CAMTA1: variants seen among roughly 807,000 people sequenced by gnomAD.
CAMTA1 encodes calmodulin-binding transcription activator 1.
CAMTA1 carries 27 observed loss-of-function variants against 170.9 expected under a neutral mutation model. That is an observed-to-expected ratio of 0.16 (90% CI 0.12 to 0.22). The LOEUF is 0.22. Ranked by LOEUF, CAMTA1 falls within the 10% of genes least tolerant of loss-of-function variation. CAMTA1 has a pLI of 1.00. For missense variants in CAMTA1, 1,619 were observed against 2,217.2 expected, an observed-to-expected ratio of 0.73 and a Z score of 5.42; for synonymous variants, 833 against 891.5, an observed-to-expected ratio of 0.93 and a Z score of 1.17.
At chr1:7,457,045 C>T (rs1258478167) in intron 5 of CAMTA1, among the ~76,000 whole-genome samples, 20 of 88,222 alleles carry the variant, frequency 2.3e-4, no homozygotes, top group South Asian at 7.1e-4. Context: ...TCACCCGCCC[C>T]GCCCCCTGCG....
intron 5 of CAMTA1, among the ~76,000 whole-genome samples, chr1:7,379,578 G>A (rs556731129): frequency 1.6e-4 from 25 of 152,288 alleles, no homozygotes; most frequent in African/African-American, 3.6e-4. Context: ...CCAGGAAACC[G>A]TAAAACAAAG....
At chr1:7,506,581 A>G (rs2094115280) in intron 6 of CAMTA1, among the ~76,000 whole-genome samples, 1 of 152,084 alleles carries the variant, frequency 6.6e-6, no homozygotes, top group African/African-American at 2.4e-5. Flanking sequence ...ATTCACACGC[A>G]CACTCACACG....
rs771571157 is a variant in CAMTA1 at position 7,736,942 on chromosome 1, C to T, written c.3275C>T (p.Ala1092Val). 3.4e-5 allele frequency: 55 copies of T among 1,612,526 alleles called. No homozygotes were observed. Among genetic ancestry groups the T allele is most frequent in the South Asian group, 1.2e-4 (11 of 90,758 alleles). Residue 1092 changes from alanine to valine, a missense_variant, in exon 14 of 23, where the codon GCG becomes GTG. By Grantham distance (64) the Ala-to-Val change is moderately conservative. This residue lies in a region of CAMTA1 where 60 missense variants were observed against 128.5 expected (regional missense o/e 0.47). Transcript: ENST00000303635. The surrounding 1 kb of genome is among the most constrained non-coding windows in gnomAD (Gnocchi z 4.5). ...QTLIKWRTKH[A>V]DSIDLELEVD... ...GCTCTCCCTTATAGTACAAAGCACGCGGATAGCATTGACCTGGAACTGGAA... is the reference window on the plus strand; with the variant it reads ...GCTCTCCCTTATAGTACAAAGCACGTGGATAGCATTGACCTGGAACTGGAA...
rs2149090337 is a variant in CAMTA1 at position 7,214,690 on chromosome 1, C to A, written c.303-34801C>A. ...CCAAAGATTTTAATTTTCATGAAGT[C>A]TACTTTACCCATTTTTCCTTTTATA... is the stretch of plus-strand genomic sequence containing the variant. On this transcript the variant is annotated intron_variant, in intron 4 of 22. Transcript: ENST00000303635. 2.0e-5 allele frequency among the ~76,000 whole-genome samples: 3 copies of A among 152,236 alleles called. No homozygotes were observed. In the South Asian group the frequency reaches 6.2e-4, roughly 32 times the overall value.
At chr1:6,835,798 A>C (rs967410879) in intron 3 of CAMTA1, among the ~76,000 whole-genome samples, 26 of 152,200 alleles carry the variant, frequency 1.7e-4, no homozygotes, top group South Asian at 4.1e-4. Flanking sequence ...GTAGGCACCT[A>C]AAAGTTGTAG....
At position 7,673,608 on chromosome 1, in the gene CAMTA1, T is replaced by C. The variant is rs2096080952; in HGVS notation, c.2779+2571T>C. On this transcript the variant is annotated intron_variant, in intron 10 of 22. Transcript: ENST00000303635. This position sits in a 1 kb window ranked among gnomAD's most constrained non-coding sequence, Gnocchi z 4.6. ...CTGTTCAGGCTCATTATATGAGCCA[T>C]AATGTGTCTCGGACCAAGGGACCAG... is the stretch of plus-strand genomic sequence containing the variant. Among the ~76,000 whole-genome samples, 1 of 152,154 alleles carries C rather than the reference T, an allele frequency of 6.6e-6. No individual in the cohort carries two copies. The highest frequency in any genetic ancestry group is 2.4e-5 in the African/African-American group (1 of 41,414).
chr1:7,213,829 A>G (rs1573939726), intron 4 of CAMTA1, among the ~76,000 whole-genome samples: 2 of 151,894 alleles, frequency 1.3e-5, no homozygotes, highest in African/African-American at 4.8e-5. Context: ...TCATTGTTCA[A>G]TTCCCACCTA....
chr1:7,195,755 A>G lies in CAMTA1; in HGVS notation c.303-53736A>G, dbSNP rs1026207895. Among the ~76,000 whole-genome samples the G allele has an allele frequency of 6.6e-6, 1 of 152,222 alleles. No homozygotes were observed. Among genetic ancestry groups the G allele is most frequent in the African/African-American group, 2.4e-5 (1 of 41,450 alleles). ...GCTTGTGGGCTGGGCGCAGTGGCTCATGCCTGTAATCCCAGCACTTTGGGA... is the reference window on the plus strand; with the variant it reads ...GCTTGTGGGCTGGGCGCAGTGGCTCGTGCCTGTAATCCCAGCACTTTGGGA... On this transcript the variant is annotated intron_variant, in intron 4 of 22. Transcript: ENST00000303635. The surrounding 1 kb of genome is among the most constrained non-coding windows in gnomAD (Gnocchi z 4.1).
intron 8 of CAMTA1, among the ~76,000 whole-genome samples, chr1:7,662,814 C>T (rs933162516): frequency 1.3e-5 from 2 of 152,106 alleles, no homozygotes; most frequent in African/African-American, 4.8e-5. Context: ...GAGAGCTGGT[C>T]CCGAGACTGC....
At chr1:7,679,583 C>T (rs1003804253) in intron 11 of CAMTA1, among the ~76,000 whole-genome samples, 2 of 149,876 alleles carry the variant, frequency 1.3e-5, no homozygotes, top group Non-Finnish European at 2.9e-5. Flanking sequence ...CTGCCCCCCC[C>T]CCCAGAACTT....
intron 4 of CAMTA1, among the ~76,000 whole-genome samples, chr1:7,161,891 T>C (rs930304059): frequency 2.6e-5 from 4 of 151,934 alleles, no homozygotes; most frequent in African/African-American, 7.3e-5. Flanking sequence ...TTGGCTCCAA[T>C]AGTACAATAG....
chr1:7,517,928 G>C (rs1008986025), intron 6 of CAMTA1, among the ~76,000 whole-genome samples: 1 of 151,944 alleles, frequency 6.6e-6, no homozygotes, highest in Non-Finnish European at 1.5e-5. Context: ...GGCTCTGAGA[G>C]CCCAGGGTTA....
At chr1:7,549,151 G>T (rs555044916) in intron 6 of CAMTA1, among the ~76,000 whole-genome samples, 3 of 148,116 alleles carry the variant, frequency 2.0e-5, no homozygotes, top group African/African-American at 7.5e-5. Flanking sequence ...TGTCCCTTAG[G>T]GGCGGAGGTG....
At chr1:7,721,890 A>G (rs952776076) in intron 11 of CAMTA1, among the ~76,000 whole-genome samples, 5 of 152,152 alleles carry the variant, frequency 3.3e-5, no homozygotes, top group African/African-American at 1.2e-4. Flanking sequence ...TTGGGATTAC[A>G]AGTGTGAGCC....
chr1:7,324,676 C>A (rs1032921598), intron 5 of CAMTA1, among the ~76,000 whole-genome samples: 1 of 151,972 alleles, frequency 6.6e-6, no homozygotes, highest in Non-Finnish European at 1.5e-5. Context: ...GGCGTGGTGG[C>A]AGGTGCCTAT....
At chr1:6,949,119 C>G (rs1688038697) in intron 3 of CAMTA1, among the ~76,000 whole-genome samples, 1 of 152,238 alleles carries the variant, frequency 6.6e-6, no homozygotes, top group South Asian at 2.1e-4. Flanking sequence ...GACTAATCCA[C>G]TCTGAGACTT....
At position 7,511,816 on chromosome 1, in the gene CAMTA1, G is replaced by A. The variant is rs139157804; in HGVS notation, c.510+43915G>A. Among the ~76,000 whole-genome samples the A allele has an allele frequency of 4.2e-3, 647 of 152,280 alleles. 5 individuals are homozygous for A. The highest frequency in any genetic ancestry group is 0.015 in the African/African-American group (607 of 41,546). ...CCTGGGCAGAGACTGTGGAGCTGGCGGCTTTCCTGGTCCCCAAACTCCACT... is the reference window on the plus strand; with the variant it reads ...CCTGGGCAGAGACTGTGGAGCTGGCAGCTTTCCTGGTCCCCAAACTCCACT... On this transcript the variant is annotated intron_variant, in intron 6 of 22. Transcript: ENST00000303635.
At chr1:7,114,469 C>T (rs1644247812) in intron 4 of CAMTA1, among the ~76,000 whole-genome samples, 2 of 150,422 alleles carry the variant, frequency 1.3e-5, no homozygotes, top group South Asian at 2.1e-4. Context: ...AAAAGAGAAT[C>T]ACAAAAAAAC....
chr1:7,012,196 C>T (rs575263819), intron 3 of CAMTA1, among the ~76,000 whole-genome samples: 22 of 152,264 alleles, frequency 1.4e-4, no homozygotes, highest in African/African-American at 3.6e-4. Flanking sequence ...TGGTGGTCCC[C>T]GTCCACGCTT....
Sources: allele counts gnomAD v4.1 joint callset (sites outside exome capture counted in the v4.1 genomes callset), GRCh38; gene constraint gnomAD v4.1.1; regional missense constraint gnomAD v4.1.1; non-coding constraint Gnocchi (gnomAD v3.1); transcripts MANE v1.5; gene names NCBI Gene and HGNC (gene_info 2026-07-23, HGNC 2026-07-21).